Variants in SYT16 observed in about 807,000 individuals in gnomAD.
The protein encoded by SYT16 is synaptotagmin 16.
In SYT16, 42 loss-of-function variants were observed where a neutral mutation model predicts 61.4. The ratio of observed to expected loss-of-function variants is 0.68; its 90% CI spans 0.53 to 0.89. The LOEUF (loss-of-function observed/expected upper bound fraction) is 0.89. Among genes scored for constraint, SYT16 ranks in the 40% least tolerant of loss-of-function variants. The probability of loss-of-function intolerance (pLI) is 0.00; values close to 1 mark genes in which losing one functional copy is unlikely to be tolerated. For missense variants in SYT16, 804 were observed against 807.3 expected (o/e 1.00, Z 0.05); for synonymous variants, 314 against 302.3 (o/e 1.04, Z -0.40).
At chr14:61,953,368 C>T (rs1313908210) in intron 1 of SYT16, among the ~76,000 whole-genome samples, 3 of 152,020 alleles carry the variant, frequency 2.0e-5, no homozygotes, top group East Asian at 3.9e-4. Flanking sequence ...GAGAAATGGT[C>T]CAAATTTTTT....
At chr14:62,043,220 C>G (rs992767299) in intron 3 of SYT16, among the ~76,000 whole-genome samples, 1 of 151,780 alleles carries the variant, frequency 6.6e-6, no homozygotes, top group East Asian at 1.9e-4. Context: ...TCCAGTACCC[C>G]CTCAGAAGGA....
At chr14:61,962,183 G>A (rs2051141769) in intron 1 of SYT16, among the ~76,000 whole-genome samples, 1 of 151,842 alleles carries the variant, frequency 6.6e-6, no homozygotes, top group African/African-American at 2.4e-5. Context: ...CTATTACCTG[G>A]GTGATGAAGT....
intron 1 of SYT16, among the ~76,000 whole-genome samples, chr14:61,939,340 T>A (rs551692502): frequency 6.0e-4 from 92 of 152,256 alleles, no homozygotes; most frequent in African/African-American, 2.0e-3. Context: ...TAGCAAATAA[T>A]CCTCCTGTGC....
chr14:62,052,354 C>T (rs868217513), intron 3 of SYT16, among the ~76,000 whole-genome samples: 2 of 152,082 alleles, frequency 1.3e-5, no homozygotes, highest in South Asian at 2.1e-4. Flanking sequence ...AATGTGGTTT[C>T]TGGTTTCCAA....
At chr14:61,922,876 T>G (rs1395387539) in intron 1 of SYT16, among the ~76,000 whole-genome samples, 1 of 152,040 alleles carries the variant, frequency 6.6e-6, no homozygotes, top group African/African-American at 2.4e-5. Context: ...GGTGAAACCC[T>G]GTCTCCACTA....
At chr14:61,934,241 T>C (rs1345711927) in intron 1 of SYT16, among the ~76,000 whole-genome samples, 1 of 152,226 alleles carries the variant, frequency 6.6e-6, no homozygotes, top group African/African-American at 2.4e-5. Flanking sequence ...AGTTGATTTC[T>C]ATTTTTCTAT....
intron 1 of SYT16, among the ~76,000 whole-genome samples, chr14:61,876,322 G>A (rs544170883): frequency 3.3e-5 from 5 of 152,312 alleles, no homozygotes; most frequent in East Asian, 1.9e-4. Flanking sequence ...TCGCACTCAC[G>A]CTGAAATGTG....
At chr14:61,983,376 G>A (rs756726470) in intron 2 of SYT16, among the ~76,000 whole-genome samples, 5 of 152,132 alleles carry the variant, frequency 3.3e-5, no homozygotes, top group Non-Finnish European at 5.9e-5. Flanking sequence ...GCACTTTGAG[G>A]TTTAATGAAA....
intron 1 of SYT16, among the ~76,000 whole-genome samples, chr14:61,901,360 A>G (rs1034816496): frequency 1.3e-5 from 2 of 152,026 alleles, no homozygotes; most frequent in Admixed American, 1.3e-4. Flanking sequence ...CTATATATTC[A>G]CTCACTGAAT....
chr14:61,943,943 G>A lies in SYT16; in HGVS notation c.-324-26189G>A, dbSNP rs149066927. The stretch of plus-strand genomic sequence containing the variant: ...AAATAGGAAGAGAGGAAGTCAAATT[G>A]TCTCTGTTTGCAGATGACATGATTG... On this transcript the variant is annotated intron_variant, in intron 1 of 7. Coordinates refer to ENST00000683842, the MANE Select transcript of SYT16 (RefSeq NM_001367656.1). Among the ~76,000 whole-genome samples the A allele has an allele frequency of 4.3e-3, 657 of 152,282 alleles. 1 individual carries two copies. Among genetic ancestry groups the A allele is most frequent in the Middle Eastern group, 0.02 (6 of 294 alleles).
intron 2 of SYT16, among the ~76,000 whole-genome samples, chr14:61,983,908 T>C (rs2052192292): frequency 6.6e-6 from 1 of 152,238 alleles, no homozygotes; most frequent in African/African-American, 2.4e-5. Context: ...AAGCATTGAC[T>C]ACAGAGTGGT....
At chr14:62,058,366 A>G (rs1217085424) in intron 3 of SYT16, among the ~76,000 whole-genome samples, 1 of 129,328 alleles carries the variant, frequency 7.7e-6, no homozygotes, top group Admixed American at 8.9e-5. Context: ...TTTTTTTGAG[A>G]AGGAGTCTCG....
chr14:61,856,487 T>C (rs1312652369), intron 1 of SYT16, among the ~76,000 whole-genome samples: 1 of 152,074 alleles, frequency 6.6e-6, no homozygotes, highest in Non-Finnish European at 1.5e-5. Context: ...CAGACTGAAG[T>C]ATGAGAGATA....
At chr14:62,050,731 G>A (rs1035083193) in intron 3 of SYT16, among the ~76,000 whole-genome samples, 2 of 152,164 alleles carry the variant, frequency 1.3e-5, no homozygotes, top group African/African-American at 4.8e-5. Flanking sequence ...GTTTGCTGGA[G>A]GTCCACGCCA....
At chr14:61,958,802 T>C (rs555693166) in intron 1 of SYT16, among the ~76,000 whole-genome samples, 1 of 152,216 alleles carries the variant, frequency 6.6e-6, no homozygotes, top group Non-Finnish European at 1.5e-5. Context: ...CTGCTGTTTA[T>C]TGATTTTTTT....
intron 1 of SYT16, among the ~76,000 whole-genome samples, chr14:61,968,711 G>A (rs1318118888): frequency 6.6e-6 from 1 of 152,186 alleles, no homozygotes; most frequent in Admixed American, 6.5e-5. Context: ...TTAGCACACT[G>A]AAGCACAAAG....
In SYT16 at chr14:61,921,983, G is replaced by C. The variant is rs532369518; in HGVS notation, c.-324-48149G>C. 6.6e-5 allele frequency among the ~76,000 whole-genome samples: 10 copies of C among 152,280 alleles called. 1 individual carries two copies. The South Asian group carries it at 2.1e-3, about 32-fold the overall frequency. ...AGCTTTTTCCCTGGCTTTAAAGTGG[G>C]CCCAGGGTTCTTATGTCTAAAATGA... On this transcript the variant is annotated intron_variant, in intron 1 of 7. Coordinates refer to ENST00000683842, the MANE Select transcript of SYT16 (RefSeq NM_001367656.1).
chr14:62,093,888 A>G (rs2057178043), intron 7 of SYT16, among the ~76,000 whole-genome samples: 1 of 152,090 alleles, frequency 6.6e-6, no homozygotes, highest in Admixed American at 6.6e-5. Context: ...TCACACAGCA[A>G]AAGCTTATTT....
intron 4 of SYT16, among the ~76,000 whole-genome samples, chr14:62,074,306 A>C (rs2056404441): frequency 6.6e-6 from 1 of 152,112 alleles, no homozygotes; most frequent in African/African-American, 2.4e-5. Flanking sequence ...GGTGCTTTGT[A>C]TGGGGAGGGA....
Sources: allele counts gnomAD v4.1 joint callset (sites outside exome capture counted in the v4.1 genomes callset), GRCh38; gene constraint gnomAD v4.1.1; transcripts MANE v1.5; gene names NCBI Gene and HGNC (gene_info 2026-07-23, HGNC 2026-07-21).